CTNNA3: variants seen among roughly 807,000 people sequenced by gnomAD.
The protein encoded by CTNNA3 is catenin alpha 3.
A neutral mutation model predicts 95.7 loss-of-function variants in CTNNA3; 76 were observed. That is an observed-to-expected ratio of 0.79 (90% CI 0.66 to 0.96). The LOEUF (loss-of-function observed/expected upper bound fraction) is 0.96. Ranked by LOEUF, CTNNA3 falls within the 40% of genes least tolerant of loss-of-function variation. The probability of loss-of-function intolerance (pLI) is 0.00; values close to 1 mark genes in which losing one functional copy is unlikely to be tolerated. For synonymous variants in CTNNA3, 431 were observed against 374.4 expected, an observed-to-expected ratio of 1.15 and a Z score of -1.74; for missense variants, 1,191 against 1,089.8, an observed-to-expected ratio of 1.09 and a Z score of -1.31.
chr10:67,519,638 A>G (rs1839923240), intron 5 of CTNNA3, among the ~76,000 whole-genome samples: 1 of 152,182 alleles, frequency 6.6e-6, no homozygotes, highest in Non-Finnish European at 1.5e-5. Context: ...GGAGCACTGG[A>G]GAGGATACAG....
At chr10:67,314,890 A>G (rs1589156516) in intron 5 of CTNNA3, among the ~76,000 whole-genome samples, 2 of 152,322 alleles carry the variant, frequency 1.3e-5, no homozygotes, top group Middle Eastern at 6.8e-3. Context: ...GATTTTTATC[A>G]GCGACCCAAA....
intron 7 of CTNNA3, among the ~76,000 whole-genome samples, chr10:67,040,863 C>T (rs1230252265): frequency 1.3e-5 from 2 of 152,078 alleles, no homozygotes; most frequent in Admixed American, 6.6e-5. Context: ...TTTCATTGAA[C>T]AACTATGACA....
intron 13 of CTNNA3, among the ~76,000 whole-genome samples, chr10:66,194,283 T>C (rs567509755): frequency 4.2e-4 from 64 of 152,158 alleles, no homozygotes; most frequent in Non-Finnish European, 7.1e-4. Flanking sequence ...AATGGATAGA[T>C]TTCAAATAGA....
intron 15 of CTNNA3, among the ~76,000 whole-genome samples, chr10:66,055,186 A>G (rs191231098): frequency 1.3e-5 from 2 of 152,082 alleles, no homozygotes; most frequent in Non-Finnish European, 2.9e-5. Context: ...TTTTCTCAGG[A>G]TTGCTTTGGC....
At chr10:66,579,248 A>G (rs1354668401) in intron 10 of CTNNA3, among the ~76,000 whole-genome samples, 1 of 151,736 alleles carries the variant, frequency 6.6e-6, no homozygotes, top group Non-Finnish European at 1.5e-5. Context: ...TTATTAATTT[A>G]TTATTTCCCT....
chr10:66,258,432 C>T (rs1030976639), intron 13 of CTNNA3, among the ~76,000 whole-genome samples: 3 of 152,100 alleles, frequency 2.0e-5, no homozygotes, highest in Admixed American at 1.3e-4. Flanking sequence ...ATATGTATTC[C>T]TTCCTTTGGA....
chr10:66,601,974 A>G (rs1843943211), intron 10 of CTNNA3, among the ~76,000 whole-genome samples: 1 of 151,962 alleles, frequency 6.6e-6, no homozygotes, highest in Non-Finnish European at 1.5e-5. Flanking sequence ...AATCTAAATT[A>G]GGATGTAGGG....
intron 5 of CTNNA3, among the ~76,000 whole-genome samples, chr10:67,254,168 C>T (rs1050781317): frequency 1.3e-5 from 2 of 151,846 alleles, no homozygotes; most frequent in Non-Finnish European, 2.9e-5. Context: ...AAAAAGAAGA[C>T]ATTCAAAGTT....
Position 65,955,158 on chromosome 10 carries a change from G to T in CTNNA3, c.2400+11454C>A, listed in dbSNP as rs573130392. Among the ~76,000 whole-genome samples the T allele has an allele frequency of 6.0e-4, 92 of 152,276 alleles. 1 individual carries two copies. The highest frequency in any genetic ancestry group is 8.7e-4 in the Non-Finnish European group (59 of 68,016). ...TATTCTCTTTGAAGCAATTGTGAAT[G>T]GGAGTTCACTCATGATTTGGCTCTC... On this transcript the variant is annotated intron_variant, in intron 17 of 17. Transcript: ENST00000433211.
chr10:67,255,282 C>T (rs563321637), intron 5 of CTNNA3, among the ~76,000 whole-genome samples: 3 of 151,832 alleles, frequency 2.0e-5, no homozygotes, highest in Admixed American at 1.3e-4. Context: ...GCAACAAGAG[C>T]AAAACTCCAT....
chr10:67,647,293 C>A (rs1839745568), intron 2 of CTNNA3, 122 bp downstream of exon 2: 2 of 656,320 alleles, frequency 3.0e-6, no homozygotes, highest in Admixed American at 3.4e-5. Flanking sequence ...CTTTAAAGGA[C>A]AATTTTAGAT....
At chr10:66,272,876 T>A (rs992287284) in intron 13 of CTNNA3, among the ~76,000 whole-genome samples, 3 of 152,296 alleles carry the variant, frequency 2.0e-5, no homozygotes, top group African/African-American at 7.2e-5. Flanking sequence ...CGGATAGTAA[T>A]GAATCTGATT....
chr10:66,533,595 CT>C (rs1472913117), intron 10 of CTNNA3, among the ~76,000 whole-genome samples: 2 of 152,070 alleles, frequency 1.3e-5, no homozygotes, highest in Non-Finnish European at 2.9e-5. Context: ...ATCTTAATGT[CT>C]TTATGTTATT....
chr10:66,786,766 T>C lies in CTNNA3; in HGVS notation c.1048-11242A>G, dbSNP rs563160173. 4.2e-4 allele frequency among the ~76,000 whole-genome samples: 64 copies of C among 152,268 alleles called. 1 individual carries two copies. In the South Asian group the frequency reaches 0.012, roughly 29 times the overall value. Reference sequence around the variant, plus strand: ...CATCCCACATATGAAATATGCATTATTGGGGGAAAATACAGTAGAAAGAAG... The same window carrying C: ...CATCCCACATATGAAATATGCATTACTGGGGGAAAATACAGTAGAAAGAAG... On this transcript the variant is annotated intron_variant, in intron 7 of 17. Coordinates refer to ENST00000433211, the MANE Select transcript of CTNNA3 (RefSeq NM_013266.4).
chr10:67,012,094 AAC>A (rs1852374454), intron 7 of CTNNA3, among the ~76,000 whole-genome samples: 1 of 152,220 alleles, frequency 6.6e-6, no homozygotes, highest in African/African-American at 2.4e-5. Context: ...ATACAAGTCA[AAC>A]ACAACTCTCT....
intron 2 of CTNNA3, among the ~76,000 whole-genome samples, chr10:67,637,758 C>T (rs1029830152): frequency 2.0e-5 from 3 of 152,142 alleles, no homozygotes; most frequent in Non-Finnish European, 2.9e-5. Flanking sequence ...CATATCCAGC[C>T]AAACTAAACT....
chr10:67,389,568 A>C lies in CTNNA3; in HGVS notation c.579+132274T>G, dbSNP rs1321973808. On this transcript the variant is annotated intron_variant, in intron 5 of 17. Transcript: ENST00000433211. ...TCTGCACCAAGCGGACCTAATAGAC[A>C]TCTACAGAACTCTCCACCCCAAATC... is the stretch of plus-strand genomic sequence containing the variant. Among the ~76,000 whole-genome samples the C allele has an allele frequency of 2.6e-5, 4 of 151,616 alleles. No homozygotes were observed. In the East Asian group the frequency reaches 7.8e-4, roughly 29 times the overall value.
At chr10:66,258,149 C>G (rs1211085276) in intron 13 of CTNNA3, among the ~76,000 whole-genome samples, 2 of 152,302 alleles carry the variant, frequency 1.3e-5, no homozygotes, top group East Asian at 1.9e-4. Context: ...AATCTACTCC[C>G]TTATGTGGAT....
chr10:66,947,387 A>G (rs948110249), intron 7 of CTNNA3, among the ~76,000 whole-genome samples: 1 of 152,108 alleles, frequency 6.6e-6, no homozygotes, highest in Non-Finnish European at 1.5e-5. Context: ...TGAAATTACC[A>G]TTTCACTATA....
Sources: allele counts gnomAD v4.1 joint callset (sites outside exome capture counted in the v4.1 genomes callset), GRCh38; gene constraint gnomAD v4.1.1; transcripts MANE v1.5; gene names NCBI Gene and HGNC (gene_info 2026-07-23, HGNC 2026-07-21).